The following PDSS2 variants were observed in gnomAD, a reference collection of about 807,000 sequenced individuals.
The protein encoded by PDSS2 is decaprenyl diphosphate synthase subunit 2, also known as all trans-polyprenyl-diphosphate synthase PDSS2.
In PDSS2, 31 loss-of-function variants were observed where a neutral mutation model predicts 44.5. That is an observed-to-expected ratio of 0.70 (90% CI 0.52 to 0.94). The LOEUF (loss-of-function observed/expected upper bound fraction) is 0.94. Among genes scored for constraint, PDSS2 ranks in the 40% least tolerant of loss-of-function variants. PDSS2 has a pLI of 0.00. For missense variants in PDSS2, 452 were observed against 482.2 expected, an observed-to-expected ratio of 0.94 and a Z score of 0.59; for synonymous variants, 157 against 180.3, an observed-to-expected ratio of 0.87 and a Z score of 1.03.
intron 2 of PDSS2, among the ~76,000 whole-genome samples, chr6:107,299,528 C>T (rs573060317): frequency 2.0e-5 from 3 of 152,208 alleles, no homozygotes; most frequent in African/African-American, 7.2e-5. Context: ...TTGTAGATCC[C>T]CATGGCCCTC....
chr6:107,279,266 G>A (rs183496841), intron 2 of PDSS2, among the ~76,000 whole-genome samples: 38 of 152,218 alleles, frequency 2.5e-4, no homozygotes, highest in African/African-American at 9.1e-4. Context: ...CTAAGGAATA[G>A]TAGATCGTTG....
At chr6:107,421,807 AACACACAC>A (rs33978698) in intron 1 of PDSS2, among the ~76,000 whole-genome samples, 24 of 146,210 alleles carry the variant, frequency 1.6e-4, no homozygotes, top group Non-Finnish European at 2.1e-4. Context: ...AATTTCACAG[AACACACAC>A]ACACACACAC....
intron 4 of PDSS2, among the ~76,000 whole-genome samples, chr6:107,233,750 C>T (rs1337285350): frequency 5.3e-5 from 8 of 152,024 alleles, no homozygotes; most frequent in African/African-American, 1.9e-4. Context: ...GAGTCTGAGG[C>T]TGTAGTGAGC....
chr6:107,249,187 G>T (rs908046135), intron 3 of PDSS2, among the ~76,000 whole-genome samples: 11 of 152,290 alleles, frequency 7.2e-5, no homozygotes, highest in African/African-American at 2.6e-4. Context: ...AGAGCATTTA[G>T]AAGAGAATCT....
At chr6:107,343,471 A>C (rs1307081237) in intron 1 of PDSS2, among the ~76,000 whole-genome samples, 1 of 152,226 alleles carries the variant, frequency 6.6e-6, no homozygotes, top group Admixed American at 6.5e-5. Context: ...ACAGTATATG[A>C]TGTATTAGTT....
intron 7 of PDSS2, among the ~76,000 whole-genome samples, chr6:107,166,729 G>A (rs1771365585): frequency 6.6e-6 from 1 of 152,144 alleles, no homozygotes; most frequent in Non-Finnish European, 1.5e-5. Flanking sequence ...CATCTATTGA[G>A]ATAATCATGT....
chr6:107,255,950 T>C (rs1177059015), intron 3 of PDSS2, among the ~76,000 whole-genome samples: 2 of 152,150 alleles, frequency 1.3e-5, no homozygotes, highest in Non-Finnish European at 2.9e-5. Context: ...CATTTCAATC[T>C]TGTAGGCTTG....
At chr6:107,168,917 C>T (rs1237936577) in intron 7 of PDSS2, among the ~76,000 whole-genome samples, 19 of 152,082 alleles carry the variant, frequency 1.2e-4, no homozygotes, top group Admixed American at 1.2e-3. Flanking sequence ...ACATTTTTTC[C>T]TTCATTTCAA....
At chr6:107,416,192 G>A (rs976917868) in intron 1 of PDSS2, among the ~76,000 whole-genome samples, 2 of 152,094 alleles carry the variant, frequency 1.3e-5, no homozygotes, top group African/African-American at 4.8e-5. Context: ...CTGTTCCCAG[G>A]CATGTGTCTA....
chr6:107,256,358 G>A (rs1039507245), intron 3 of PDSS2, among the ~76,000 whole-genome samples: 1 of 152,166 alleles, frequency 6.6e-6, no homozygotes, highest in Non-Finnish European at 1.5e-5. Flanking sequence ...TGGCCAAAGA[G>A]CTAAAAATTT....
At chr6:107,225,159 ATATTTTTTTTTTTTTT>A (rs1407933960) in intron 4 of PDSS2, among the ~76,000 whole-genome samples, 41 of 46,598 alleles carry the variant, frequency 8.8e-4, no homozygotes, top group South Asian at 8.1e-3. Context: ...ATATATATAT[ATATTTTTTTTTTTTTT>A]TTTTTTTTTT....
intron 2 of PDSS2, among the ~76,000 whole-genome samples, 185 bp downstream of exon 2, chr6:107,334,013 A>G (rs534960585): frequency 1.5e-4 from 23 of 152,342 alleles, no homozygotes; most frequent in Admixed American, 3.3e-4. Flanking sequence ...GAAATTTACC[A>G]GAGTTATGTG....
chr6:107,409,597 C>T (rs903066740), intron 1 of PDSS2, among the ~76,000 whole-genome samples: 1 of 152,196 alleles, frequency 6.6e-6, no homozygotes, highest in Non-Finnish European at 1.5e-5. Context: ...CTTCCTTAAA[C>T]TTAACCCAGT....
chr6:107,199,907 G>A (rs1441226831), intron 6 of PDSS2, among the ~76,000 whole-genome samples: 4 of 151,932 alleles, frequency 2.6e-5, no homozygotes, highest in African/African-American at 9.7e-5. Flanking sequence ...ATAGAACAAT[G>A]GCATATTTTC....
chr6:107,193,431 A>G (rs1214526765), intron 7 of PDSS2, among the ~76,000 whole-genome samples: 2 of 152,064 alleles, frequency 1.3e-5, no homozygotes, highest in African/African-American at 2.4e-5. Flanking sequence ...TTCCATCCAC[A>G]CCCCATAGCA....
intron 2 of PDSS2, among the ~76,000 whole-genome samples, chr6:107,332,261 T>C (rs1777736067): frequency 6.6e-6 from 1 of 151,994 alleles, no homozygotes; most frequent in Non-Finnish European, 1.5e-5. Flanking sequence ...CATGCCACCA[T>C]GTCTGGCTAA....
chr6:107,300,720 T>G (rs1776666813), intron 2 of PDSS2, among the ~76,000 whole-genome samples: 1 of 152,176 alleles, frequency 6.6e-6, no homozygotes, highest in Non-Finnish European at 1.5e-5. Context: ...AGCTCTGTTT[T>G]CACTCTATCA....
chr6:107,309,621 G>A (rs530634694), intron 2 of PDSS2, among the ~76,000 whole-genome samples: 6 of 152,286 alleles, frequency 3.9e-5, no homozygotes, highest in Non-Finnish European at 8.8e-5. Context: ...ATGCAGGAAC[G>A]GAAGGATGCT....
At chr6:107,184,344 C>CA in intron 7 of PDSS2, among the ~76,000 whole-genome samples, 1 of 152,062 alleles carries the variant, frequency 6.6e-6, no homozygotes, top group African/African-American at 2.4e-5. Context: ...ATACTATATA[C>CA]AAAAAATTTC....
Sources: gnomAD v4.1 joint callset for allele counts (sites outside exome capture counted in the v4.1 genomes callset) on GRCh38, gnomAD v4.1.1 for gene constraint, MANE v1.5 for transcripts, NCBI Gene and HGNC (gene_info 2026-07-23, HGNC 2026-07-21) for gene names.